LINGO2: variants seen among roughly 807,000 people sequenced by gnomAD.
LINGO2 encodes the protein leucine-rich repeat and immunoglobulin-like domain-containing nogo receptor-interacting protein 2.
In LINGO2, 14 loss-of-function variants were observed where a neutral mutation model predicts 30.6. That is an observed-to-expected ratio of 0.46 (90% CI 0.30 to 0.72). LINGO2 has a LOEUF of 0.72. Among genes scored for constraint, LINGO2 ranks in the 30% least tolerant of loss-of-function variants. LINGO2 has a pLI of 0.07. For synonymous variants in LINGO2, 317 were observed against 288.5 expected, an observed-to-expected ratio of 1.10 and a Z score of -1.00; for missense variants, 729 against 751.7, an observed-to-expected ratio of 0.97 and a Z score of 0.35.
the LINGO2 span, among the ~76,000 whole-genome samples, chr9:28,909,594 A>T: frequency 1.3e-5 from 2 of 151,990 alleles, no homozygotes; most frequent in Non-Finnish European, 2.9e-5. Flanking sequence ...CTGTAAACGT[A>T]TGTCAATGTC....
At chr9:28,170,722 C>T (rs1828557644) in intron 4 of LINGO2, among the ~76,000 whole-genome samples, 1 of 152,188 alleles carries the variant, frequency 6.6e-6, no homozygotes, top group African/African-American at 2.4e-5. Context: ...CTTCAAGAGG[C>T]TTCCTGTATT....
At chr9:28,304,105 T>C (rs1483552258) in intron 3 of LINGO2, among the ~76,000 whole-genome samples, 4 of 152,102 alleles carry the variant, frequency 2.6e-5, no homozygotes, top group African/African-American at 9.7e-5. Context: ...ATATGCCTGT[T>C]TTGTGAGATG....
chr9:28,871,073 G>A, the LINGO2 span, among the ~76,000 whole-genome samples: 1 of 151,830 alleles, frequency 6.6e-6, no homozygotes, highest in South Asian at 2.1e-4. Flanking sequence ...TATATTGACA[G>A]ATGATGATTG....
intron 1 of LINGO2, among the ~76,000 whole-genome samples, chr9:28,606,601 C>T (rs1290298735): frequency 6.6e-6 from 1 of 151,964 alleles, no homozygotes; most frequent in Admixed American, 6.6e-5. Flanking sequence ...ATCAATTGAC[C>T]TTAACTTTCC....
At chr9:29,145,407 A>C in the LINGO2 span, among the ~76,000 whole-genome samples, 2 of 150,072 alleles carry the variant, frequency 1.3e-5, no homozygotes, top group Non-Finnish European at 3.0e-5. Flanking sequence ...AAATGAAGGC[A>C]GAAAAAATTA....
the LINGO2 span, among the ~76,000 whole-genome samples, chr9:28,884,430 G>T: frequency 6.6e-6 from 1 of 152,040 alleles, no homozygotes; most frequent in Non-Finnish European, 1.5e-5. Flanking sequence ...TCTGAGTTTT[G>T]TTAACAAATG....
chr9:28,506,595 T>C (rs916671537), intron 1 of LINGO2, among the ~76,000 whole-genome samples: 3 of 123,754 alleles, frequency 2.4e-5, no homozygotes, highest in Admixed American at 9.7e-5. Context: ...ATGATCTACT[T>C]CTTTAAAAAA....
chr9:28,000,384 A>G (rs1316860725), intron 5 of LINGO2, among the ~76,000 whole-genome samples: 2 of 152,158 alleles, frequency 1.3e-5, no homozygotes, highest in Non-Finnish European at 2.9e-5. Context: ...AGGAGGAGAA[A>G]AAAAGGAGGG....
At chr9:28,927,585 T>G in the LINGO2 span, among the ~76,000 whole-genome samples, 1 of 152,190 alleles carries the variant, frequency 6.6e-6, no homozygotes. Flanking sequence ...TTCTTACCCC[T>G]CAGGACTGCT....
the LINGO2 span, among the ~76,000 whole-genome samples, chr9:28,866,792 G>T: frequency 6.6e-6 from 1 of 152,242 alleles, no homozygotes; most frequent in Non-Finnish European, 1.5e-5. Flanking sequence ...AGCTAATGGA[G>T]AATTCTTTTT....
intron 5 of LINGO2, among the ~76,000 whole-genome samples, chr9:27,989,838 C>T (rs989404110): frequency 6.6e-6 from 1 of 151,968 alleles, no homozygotes; most frequent in Non-Finnish European, 1.5e-5. Flanking sequence ...AGTTGTAGAA[C>T]TGGGATTTAA....
the LINGO2 span, among the ~76,000 whole-genome samples, chr9:29,201,497 T>C: frequency 1.3e-5 from 2 of 152,060 alleles, no homozygotes; most frequent in South Asian, 2.1e-4. Context: ...TCTATAACCA[T>C]GTGTTTAAAC....
chr9:27,989,051 T>G (rs138708043), intron 5 of LINGO2, among the ~76,000 whole-genome samples: 1 of 152,058 alleles, frequency 6.6e-6, no homozygotes, highest in African/African-American at 2.4e-5. Context: ...CTATTTCCCA[T>G]AAAGCCATCA....
At chr9:28,513,084 TACACACACACACACACAC>T (rs57773955) in intron 1 of LINGO2, among the ~76,000 whole-genome samples, 7 of 146,752 alleles carry the variant, frequency 4.8e-5, no homozygotes, top group South Asian at 4.4e-4. Flanking sequence ...TTAACCATCA[TACACACACACACACACAC>T]ACACACACAC....
chr9:28,323,828 G>C (rs891887113), intron 3 of LINGO2, among the ~76,000 whole-genome samples: 99 of 152,172 alleles, frequency 6.5e-4, no homozygotes, highest in African/African-American at 2.3e-3. Flanking sequence ...GGAATCATCA[G>C]ACATATAATT....
chr9:28,756,347 A>T, the LINGO2 span, among the ~76,000 whole-genome samples: 1 of 151,874 alleles, frequency 6.6e-6, no homozygotes, highest in Non-Finnish European at 1.5e-5. Flanking sequence ...TGTACCCTCA[A>T]TGTGTCTTGT....
chr9:28,456,169 T>C lies in LINGO2; in HGVS notation c.-279+19771A>G, dbSNP rs932521789. 4.6e-5 allele frequency among the ~76,000 whole-genome samples: 7 copies of C among 152,198 alleles called. No individual in the cohort carries two copies. The East Asian group carries it at 5.8e-4, about 13-fold the overall frequency. On this transcript the variant is annotated intron_variant, in intron 2 of 5. Coordinates refer to ENST00000379992, the Ensembl canonical transcript of LINGO2. The stretch of plus-strand genomic sequence containing the variant: ...CTATTCAATCACCACATAAACTTTA[T>C]TGAGGTAAGTGCTATTGTTATTGCC...
intron 4 of LINGO2, among the ~76,000 whole-genome samples, chr9:28,195,459 G>A (rs2133794135): frequency 6.6e-6 from 1 of 150,750 alleles, no homozygotes; most frequent in Admixed American, 6.6e-5. Flanking sequence ...TAGAAACATG[G>A]GATATGGAGA....
chr9:27,997,402 C>T lies in LINGO2; in HGVS notation c.-36+14953G>A, dbSNP rs544085402. ...CACTTTGAGATGTGCTCCCCCCTCC[C>T]CCCGTCATAAGTGAGAAATCTGAGT... On this transcript the variant is annotated intron_variant, in intron 5 of 5. Coordinates refer to ENST00000379992, the Ensembl canonical transcript of LINGO2. Among the ~76,000 whole-genome samples the T allele has an allele frequency of 2.0e-5, 3 of 152,126 alleles. No homozygotes were observed. In the East Asian group the frequency reaches 5.8e-4, roughly 29 times the overall value.
Sources: allele counts gnomAD v4.1 joint callset (sites outside exome capture counted in the v4.1 genomes callset), GRCh38; gene constraint gnomAD v4.1.1; transcripts MANE v1.5; gene names NCBI Gene and HGNC (gene_info 2026-07-23, HGNC 2026-07-21).